The following SFPQ variants were observed in gnomAD, a reference collection of about 807,000 sequenced individuals.
SFPQ encodes the protein splicing factor proline and glutamine rich.
In SFPQ, 11 loss-of-function variants were observed where a neutral mutation model predicts 72.9. That is an observed-to-expected ratio of 0.15 (90% CI 0.09 to 0.25). The LOEUF is 0.25. Ranked by LOEUF, SFPQ falls within the 10% of genes least tolerant of loss-of-function variation. The pLI is 1.00. For missense variants in SFPQ, 847 were observed against 993.3 expected (o/e 0.85, Z 1.98); for synonymous variants, 506 against 367.3 (o/e 1.38, Z -4.32).
At position 35,186,447 on chromosome 1, in the gene SFPQ, T is replaced by C. The variant is rs141857389; in HGVS notation, c.1986+554A>G. Among the ~76,000 whole-genome samples the C allele has an allele frequency of 3.6e-3, 552 of 152,312 alleles. 2 individuals carry two copies. The highest frequency in any genetic ancestry group is 6.8e-3 in the Non-Finnish European group (464 of 68,028). On this transcript the variant is annotated intron_variant, in intron 9 of 9. Coordinates refer to ENST00000357214, the MANE Select transcript of SFPQ (RefSeq NM_005066.3). ...GCAAAATGGAGATGTCAGTTGATTT[T>C]AGAAGGTATACCTACAGACAGGCCC...
Position 35,188,019 on chromosome 1 carries a change from C to G in SFPQ, c.1769G>C (p.Arg590Thr), listed in dbSNP as rs1456679804. Residue 590 changes from arginine to threonine, a missense_variant, in exon 7 of 10, where the codon AGG becomes ACG. Physicochemically the swap from Arg to Thr is moderately conservative, Grantham distance 71. Around this residue, in one of 6 missense-constraint regions of SFPQ, gnomAD observed 154 missense variants for 186.0 expected, o/e 0.83. Transcript: ENST00000357214. Reference sequence around the variant, plus strand: ...GCTGTAACTTTCCTCTCTTTGGCGCCTCATTTGTTCTTCCATCTCACGTTG... The same window carrying G: ...GCTGTAACTTTCCTCTCTTTGGCGCGTCATTTGTTCTTCCATCTCACGTTG... ...IRQREMEEQM[R>T]RQREESYSRM... is the part of the protein sequence containing the mutation. 6.2e-7 allele frequency: 1 copy of G among 1,614,040 alleles called. No individual in the cohort carries two copies. Among genetic ancestry groups the G allele is most frequent in the African/African-American group, 1.3e-5 (1 of 74,926 alleles).
At chr1:35,180,758 A>G, downstream of SFPQ, 1 of 1,061,294 alleles carries the variant, frequency 9.4e-7, no homozygotes, top group South Asian at 4.6e-5. Context: ...ACTAATTATC[A>G]CATGCTATAC....
rs1035417364 is a variant in SFPQ, at chr1:35,183,024, G to A, written c.*1432C>T. 7.7e-6 allele frequency: 8 copies of A among 1,035,180 alleles called. No homozygotes were observed. The highest frequency in any genetic ancestry group is 9.2e-5 in the South Asian group (2 of 21,738). The allele number at this position is 1,035,180 out of a possible 1,614,324, so 64.1% of individuals were successfully genotyped here. On this transcript the variant is annotated 3_prime_UTR_variant, in exon 10 of 10. Transcript: ENST00000357214. Reference sequence around the variant, plus strand: ...TCCAGATTTAGTGCTACATGAAAACGAAACTATGTGAAAACAAGTTAAATT... The same window carrying A: ...TCCAGATTTAGTGCTACATGAAAACAAAACTATGTGAAAACAAGTTAAATT...
intron 9 of SFPQ, 66 bp downstream of exon 9, chr1:35,186,935 A>C: frequency 6.6e-7 from 1 of 1,526,046 alleles, no homozygotes; most frequent in Non-Finnish European, 8.9e-7. Context: ...AAACAAAACA[A>C]AACAAACACA....
chr1:35,192,635 A>G lies in SFPQ; in HGVS notation c.415T>C (p.Ser139Pro). 1.5e-6 allele frequency: 2 copies of G among 1,373,618 alleles called. No homozygotes were observed. Among genetic ancestry groups the G allele is most frequent in the Non-Finnish European group, 1.9e-6 (2 of 1,072,620 alleles). 85.1% of individuals were successfully genotyped at this position (1,373,618 alleles called of 1,614,324 possible). ...SSAPPATPPT[S>P]GAPPGSGPGP... ...GGCCCGGACCCTGGCGGGGCCCCCGAGGTTGGTGGAGTGGCGGGCGGGGCC... is the reference window on the plus strand; with the variant it reads ...GGCCCGGACCCTGGCGGGGCCCCCGGGGTTGGTGGAGTGGCGGGCGGGGCC... The change falls in exon 1 of 10, where the codon TCG (serine) becomes CCG (proline). Residue 139 changes from serine (S) to proline (P), a missense_variant. Transcript: ENST00000357214.
In SFPQ at chr1:35,188,988, T is replaced by C; in HGVS notation, c.1697+15A>G. 1.3e-6 allele frequency: 2 copies of C among 1,599,552 alleles called. No individual in the cohort carries two copies. Among genetic ancestry groups the C allele is most frequent in the Non-Finnish European group, 1.7e-6 (2 of 1,168,614 alleles). On this transcript the variant is annotated intron_variant, in intron 6 of 9. Transcript: ENST00000357214. ...AAAAAATAAATGAAGGCTTAAACCTTAAACACAATTTTACCTCAATTGCAT... is the reference window on the plus strand; with the variant it reads ...AAAAAATAAATGAAGGCTTAAACCTCAAACACAATTTTACCTCAATTGCAT...
In SFPQ at chr1:35,183,390, TG is replaced by T. The variant is rs1325208248; in HGVS notation, c.*1065del. ...CTGCCACCACGCCCAGCTAATTTTT[TG>T]TATTTTTAGTAGAGACGGGGTTTCA... On this transcript the variant is annotated 3_prime_UTR_variant, in exon 10 of 10. Transcript: ENST00000357214. 1 of 301,390 alleles carries T rather than the reference TG, an allele frequency of 3.3e-6. No homozygotes were observed. Among genetic ancestry groups the T allele is most frequent in the African/African-American group, 2.3e-5 (1 of 44,270 alleles). 18.7% of individuals were successfully genotyped at this position (301,390 alleles called of 1,614,324 possible). A position where few individuals can be genotyped will look rare whatever the true frequency, so the allele number is the denominator to read the frequency against.
downstream of SFPQ, chr1:35,178,568 T>A: frequency 9.4e-7 from 1 of 1,059,000 alleles, no homozygotes; most frequent in African/African-American, 1.6e-5. Context: ...TTCTTTCCCA[T>A]CTAAGTCCTC....
chr1:35,192,255 G>A lies in SFPQ; in HGVS notation c.795C>T (p.Gly265=), dbSNP rs1369844763. 1 of 1,462,376 alleles carries A rather than the reference G, an allele frequency of 6.8e-7. No individual in the cohort carries two copies. Among genetic ancestry groups the A allele is most frequent in the East Asian group, 3.1e-5 (1 of 32,408 alleles). The allele number at this position is 1,462,376 out of a possible 1,614,324, so 90.6% of individuals were successfully genotyped here. ...HHQGPPPGGP[G]GRSEEKISDS... ...CCGAGATCTTCTCCTCGCTGCGGCC[G>A]CCGGGCCCGCCGGGCGGGGGCCCCT... Residue 265 remains glycine, a synonymous_variant, in exon 1 of 10, where the codon GGC becomes GGT. Coordinates refer to ENST00000357214, the MANE Select transcript of SFPQ (RefSeq NM_005066.3).
At position 35,192,156 on chromosome 1, in the gene SFPQ, G is replaced by GCGGGGC. The variant is rs1640041595; in HGVS notation, c.828+65_828+66insGCCCCG. On this transcript the variant is annotated intron_variant, in intron 1 of 9. Transcript: ENST00000357214. ...GACAAAATGGAAGCCCAGCGCGGGGGCGGGGGCGAGGAGGGGGCCGCCGCC... is the reference window on the plus strand; with the variant it reads ...GACAAAATGGAAGCCCAGCGCGGGGGCGGGGCCGGGGGCGAGGAGGGGGCCGCCGCC... 1.1e-5 allele frequency: 14 copies of GCGGGGC among 1,234,428 alleles called. No individual in the cohort carries two copies. In the East Asian group the frequency reaches 4.6e-4, roughly 40 times the overall value. 76.5% of individuals were successfully genotyped at this position (1,234,428 alleles called of 1,614,324 possible). A position where few individuals can be genotyped will look rare whatever the true frequency, so the allele number is the denominator to read the frequency against.
At position 35,192,499 on chromosome 1, in the gene SFPQ, G is replaced by A. The variant is rs1032370016; in HGVS notation, c.551C>T (p.Pro184Leu). ...VPTTPPQAGG[P>L]PPPPAAVPGP... ...CGGGACTGCCGCGGGCGGAGGCGGC[G>A]GGCCTCCGGCCTGAGGAGGTGTGGT... Residue 184 changes from proline (P) to leucine (L), a missense_variant, in exon 1 of 10, where the codon CCG (proline) becomes CTG (leucine). By Grantham distance (98) the Pro-to-Leu change is moderately conservative (BLOSUM62 -3). Coordinates refer to ENST00000357214, the MANE Select transcript of SFPQ (RefSeq NM_005066.3). 7 of 1,326,296 alleles carry A rather than the reference G, an allele frequency of 5.3e-6. No homozygotes were observed. Among genetic ancestry groups the A allele is most frequent in the African/African-American group, 3.1e-5 (2 of 64,676 alleles). 82.2% of individuals were successfully genotyped at this position (1,326,296 alleles called of 1,614,324 possible). A position where few individuals can be genotyped will look rare whatever the true frequency, so the allele number is the denominator to read the frequency against.
At chr1:35,178,354 T>G (rs1367703550), downstream of SFPQ, 1 of 1,066,512 alleles carries the variant, frequency 9.4e-7, no homozygotes, top group Non-Finnish European at 1.1e-6. Context: ...TGAAGGTATG[T>G]GACAACGTTG....
At chr1:35,181,667 GAA>G (rs1382838089), downstream of SFPQ, 4 of 1,060,366 alleles carry the variant, frequency 3.8e-6, no homozygotes, top group African/African-American at 1.6e-5. Flanking sequence ...AAAATTATGA[GAA>G]AGTGGAGAAG....
At chr1:35,189,429 C>G (rs773686301) in intron 4 of SFPQ, 47 bp from the exon 5 acceptor site, 2 of 1,433,452 alleles carry the variant, frequency 1.4e-6, no homozygotes, top group Non-Finnish European at 2.0e-6. Flanking sequence ...TGAATGCATA[C>G]CAGAAAATAC....
At position 35,192,402 on chromosome 1, in the gene SFPQ, C is replaced by T. The variant is rs372727151; in HGVS notation, c.648G>A (p.Pro216=). 9.1e-5 allele frequency: 129 copies of T among 1,421,084 alleles called. 1 individual carries two copies. In the East Asian group the frequency reaches 2.2e-3, roughly 25 times the overall value. 88.0% of individuals were successfully genotyped at this position (1,421,084 alleles called of 1,614,324 possible). The change falls in exon 1 of 10, where the codon CCG becomes CCA. Residue 216 remains proline (P), a synonymous_variant. Coordinates refer to ENST00000357214, the MANE Select transcript of SFPQ (RefSeq NM_005066.3). ...TTAGGCCCGGGCCGCCACCTGGCTT[C>T]GGCCCGCCAGGCATTTTGCCGCCTT... ...GPKGGKMPGG[P]KPGGGPGLST... is the part of the protein sequence containing the mutation.
At chr1:35,179,810 T>C (rs896457185), downstream of SFPQ, 1 of 1,053,516 alleles carries the variant, frequency 9.5e-7, no homozygotes, top group Non-Finnish European at 1.1e-6. Flanking sequence ...TAGACCTGAG[T>C]TTTTATTTCT....
At chr1:35,178,474 G>A, downstream of SFPQ, 2 of 1,064,472 alleles carry the variant, frequency 1.9e-6, no homozygotes, top group South Asian at 9.0e-5. Context: ...ACCTTCAGCA[G>A]GAGTCCTCCA....
chr1:35,192,797 G>T lies in SFPQ; in HGVS notation c.253C>A (p.His85Asn). 6.6e-7 allele frequency: 1 copy of T among 1,503,998 alleles called. No individual in the cohort carries two copies. Among genetic ancestry groups the T allele is most frequent in the Non-Finnish European group, 8.8e-7 (1 of 1,133,022 alleles). The allele number at this position is 1,503,998 out of a possible 1,614,324, so 93.2% of individuals were successfully genotyped here. A position where few individuals can be genotyped will look rare whatever the true frequency, so the allele number is the denominator to read the frequency against. Residue 85 changes from histidine (H) to asparagine (N), a missense_variant, in exon 1 of 10, where the codon CAT becomes AAT. His to Asn is a moderately conservative substitution (Grantham distance 68). Around this residue, in one of 6 missense-constraint regions of SFPQ, gnomAD observed 498 missense variants for 405.1 expected, o/e 1.23. Transcript: ENST00000357214. Reference sequence around the variant, plus strand: ...GGCTGTGGATGCGGCGGCGGCTGATGCGGTGGCGGCTGCTGCGGCGGTGGC... The same window carrying T: ...GGCTGTGGATGCGGCGGCGGCTGATTCGGTGGCGGCTGCTGCGGCGGTGGC... ...QQPPPQQPPP[H>N]QPPPHPQPHQ... is the part of the protein sequence containing the mutation.
downstream of SFPQ, chr1:35,182,546 T>C (rs1199756460): frequency 7.1e-6 from 7 of 985,350 alleles, no homozygotes; most frequent in Non-Finnish European, 7.2e-6. Flanking sequence ...TCCTGTTTCC[T>C]ATGCAGAAAG....
Sources: gnomAD v4.1 joint callset for allele counts (sites outside exome capture counted in the v4.1 genomes callset) on GRCh38, gnomAD v4.1.1 for gene constraint, gnomAD v4.1.1 regional missense constraint, MANE v1.5 for transcripts, NCBI Gene and HGNC (gene_info 2026-07-23, HGNC 2026-07-21) for gene names.